ACAP3: variants seen among roughly 807,000 people sequenced by gnomAD.
ACAP3 encodes ArfGAP with coiled-coil, ankyrin repeat and PH domains 3, also known as arf-GAP with coiled-coil, ANK repeat and PH domain-containing protein 3.
A neutral mutation model predicts 104.1 loss-of-function variants in ACAP3; 56 were observed. The ratio of observed to expected loss-of-function variants is 0.54; its 90% confidence interval spans 0.43 to 0.67. The LOEUF (loss-of-function observed/expected upper bound fraction) is 0.67. Ranked by LOEUF, ACAP3 falls within the 30% of genes least tolerant of loss-of-function variation. The pLI, the probability that ACAP3 is intolerant of heterozygous loss-of-function variation, is 0.00. For missense variants in ACAP3, 1,208 were observed against 1,174.9 expected, an observed-to-expected ratio of 1.03 and a Z score of -0.41; for synonymous variants, 628 against 496.2, an observed-to-expected ratio of 1.27 and a Z score of -3.53.
chr1:1,301,934 C>G, intron 5 of ACAP3, 54 bp downstream of exon 5: 1 of 1,484,110 alleles, frequency 6.7e-7, no homozygotes, highest in South Asian at 1.3e-5. Context: ...CCTTCCCCTC[C>G]AAGGGAGGGA....
chr1:1,299,751 G>C, intron 9 of ACAP3, 80 bp downstream of exon 9: 15 of 1,430,968 alleles, frequency 1.0e-5, no homozygotes, highest in Non-Finnish European at 1.2e-5. Context: ...AAGGGGCGGG[G>C]AGGGTGTGCC....
intron 11 of ACAP3, 32 bp from the exon 12 acceptor site, chr1:1,298,453 C>A (rs372817351): frequency 6.3e-7 from 1 of 1,594,722 alleles, no homozygotes; most frequent in Admixed American, 1.7e-5. Context: ...GGGAGTCAGG[C>A]GGGGCCCATC....
Position 1,307,881 on chromosome 1 carries a change from C to A in ACAP3, c.-66G>T. On this transcript the variant is annotated 5_prime_UTR_variant, in exon 1 of 24. Coordinates refer to ENST00000354700, the MANE Select transcript of ACAP3 (RefSeq NM_030649.3). ...GCGCCGAGCGGCAGCCGCGCCGGCC[C>A]GGACCGCTCGTCCCGCCCGCGCCGC... 1.1e-6 allele frequency: 1 copy of A among 926,636 alleles called. No homozygotes were observed. The highest frequency in any genetic ancestry group is 4.8e-5 in the South Asian group (1 of 20,848). The allele number at this position is 926,636 out of a possible 1,614,324, so 57.4% of individuals were successfully genotyped here.
intron 1 of ACAP3, chr1:1,307,394 G>T: frequency 8.5e-6 from 11 of 1,291,014 alleles, no homozygotes; most frequent in Non-Finnish European, 1.0e-5. Flanking sequence ...CTGGACACAG[G>T]ATCAAGTCAG....
At position 1,303,220 on chromosome 1, in the gene ACAP3, A is replaced by G; in HGVS notation, c.167T>C (p.Leu56Pro). The stretch of plus-strand genomic sequence containing the variant: ...CAGGTCGCGGACGCCGCTCACGAAA[A>G]GCCTGCTGGTGCTGACGTAGGCCTT... The part of the protein sequence containing the change: ...AGKAYVSTSR[L>P]FVSGVRDLSQ... The change falls in exon 3 of 24, where the codon CTT (leucine) becomes CCT (proline). Residue 56 changes from leucine (L) to proline (P), a missense_variant. Leu to Pro is a moderately conservative substitution (Grantham distance 98). Coordinates refer to ENST00000354700, the MANE Select transcript of ACAP3 (RefSeq NM_030649.3). This position sits in a 1 kb window ranked among gnomAD's most constrained non-coding sequence, Gnocchi z 4.0. 2 of 1,607,484 alleles carry G rather than the reference A, an allele frequency of 1.2e-6. No homozygotes were observed. The highest frequency in any genetic ancestry group is 1.7e-6 in the Non-Finnish European group (2 of 1,177,892).
chr1:1,304,495 T>C (rs1641597275), intron 1 of ACAP3: 2 of 398,146 alleles, frequency 5.0e-6, no homozygotes, highest in South Asian at 2.5e-5. Flanking sequence ...GAGTCAACCC[T>C]GGACCCATCT....
At chr1:1,302,807 C>CT (rs1350915708) in intron 4 of ACAP3, 115 bp downstream of exon 4, 66 of 329,962 alleles carry the variant, frequency 2.0e-4, no homozygotes, top group Non-Finnish European at 3.4e-4. Flanking sequence ...CCCCCCCCCC[C>CT]GACTAGAGGA....
intron 1 of ACAP3, among the ~76,000 whole-genome samples, chr1:1,306,400 C>T (rs1360051123): frequency 6.6e-6 from 1 of 152,198 alleles, no homozygotes; most frequent in East Asian, 1.9e-4. Flanking sequence ...GCCCACACCT[C>T]CCCACAGCCC....
Position 1,296,126 on chromosome 1 carries a change from C to T in ACAP3, c.1408-17G>A, listed in dbSNP as rs752144252. ...ACACATCAGCTAGCGGGAGACAGGG[C>T]GAGCAGGCATCAGTGCGAACCTGCA... On this transcript the variant is annotated splice_polypyrimidine_tract_variant and intron_variant, in intron 16 of 23. Transcript: ENST00000354700. 12 of 1,612,494 alleles carry T rather than the reference C, an allele frequency of 7.4e-6. No individual in the cohort carries two copies. Among genetic ancestry groups the T allele is most frequent in the East Asian group, 4.5e-5 (2 of 44,878 alleles).
At chr1:1,307,435 G>A (rs1641784983) in intron 1 of ACAP3, 3 of 1,294,746 alleles carry the variant, frequency 2.3e-6, no homozygotes, top group African/African-American at 1.5e-5. Context: ...CACGGACCCA[G>A]ACGACCCTGG....
rs1641185771 is a variant in ACAP3, at chr1:1,296,801, CCT to C, written c.1129-170_1129-169del. On this transcript the variant is annotated intron_variant, in intron 14 of 23. Coordinates refer to ENST00000354700, the MANE Select transcript of ACAP3 (RefSeq NM_030649.3). ...CCCTCACGTGGGCAGATGGCCCCCC[CCT>C]CGAGCACACGCCCGCACACGCACAC... Among the ~76,000 whole-genome samples, 4 of 145,128 alleles carry C rather than the reference CCT, an allele frequency of 2.8e-5. No homozygotes were observed. The South Asian group carries it at 9.1e-4, about 33-fold the overall frequency.
Position 1,293,916 on chromosome 1 carries a change from A to G in ACAP3, c.2267T>C (p.Leu756Pro). 6.3e-7 allele frequency: 1 copy of G among 1,576,198 alleles called. No homozygotes were observed. The highest frequency in any genetic ancestry group is 8.6e-7 in the Non-Finnish European group (1 of 1,163,692). Reference sequence around the variant, plus strand: ...GGCGTGCTGGTCCGCGCCCCGCTTCAGGAACAGGCAAACCTGGCTGAGGGG... The same window carrying G: ...GGCGTGCTGGTCCGCGCCCCGCTTCGGGAACAGGCAAACCTGGCTGAGGGG... ...LGRTGQVCLFLKRGADQHALD... is the reference protein window; with the variant it reads ...LGRTGQVCLFPKRGADQHALD... Residue 756 changes from leucine to proline, a missense_variant, in exon 23 of 24, where the codon CTG (leucine) becomes CCG (proline). Coordinates refer to ENST00000354700, the MANE Select transcript of ACAP3 (RefSeq NM_030649.3).
Position 1,307,354 on chromosome 1 carries a change from G to T in ACAP3, c.47+415C>A, listed in dbSNP as rs1013889837. ...CACCCTACCCCAGGCCTTAAACGCGGCTCCAGCTGCCTGTTCCCCACGCGC... is the reference window on the plus strand; with the variant it reads ...CACCCTACCCCAGGCCTTAAACGCGTCTCCAGCTGCCTGTTCCCCACGCGC... On this transcript the variant is annotated intron_variant, in intron 1 of 23. Coordinates refer to ENST00000354700, the MANE Select transcript of ACAP3 (RefSeq NM_030649.3). The T allele has an allele frequency of 3.1e-6, 4 of 1,289,748 alleles. No homozygotes were observed. In the Admixed American group the frequency reaches 6.9e-5, roughly 22 times the overall value. The allele number at this position is 1,289,748 out of a possible 1,614,324, so 79.9% of individuals were successfully genotyped here. A position where few individuals can be genotyped will look rare whatever the true frequency, so the allele number is the denominator to read the frequency against.
chr1:1,297,348 T>C (rs1235378936), intron 14 of ACAP3, among the ~76,000 whole-genome samples: 1 of 9,200 alleles, frequency 1.1e-4, no homozygotes, highest in African/African-American at 1.3e-3. Flanking sequence ...TGCACGGGCT[T>C]GGGGCAGGGG....
chr1:1,299,562 A>ACCTTTGCG (rs1641353229), intron 9 of ACAP3: 3 of 724,338 alleles, frequency 4.1e-6, no homozygotes, highest in Non-Finnish European at 6.7e-6. Context: ...GCTGTCCCAC[A>ACCTTTGCG]GGCAAGCAAA....
chr1:1,296,131 A>G (rs1457629447), intron 16 of ACAP3, 22 bp from the exon 17 acceptor site: 1 of 1,612,256 alleles, frequency 6.2e-7, no homozygotes, highest in Non-Finnish European at 8.5e-7. Flanking sequence ...CAGGGCGAGC[A>G]GGCATCAGTG....
At position 1,299,845 on chromosome 1, in the gene ACAP3, C is replaced by A; in HGVS notation, c.724G>T (p.Ala242Ser). 1 of 1,551,132 alleles carries A rather than the reference C, an allele frequency of 6.4e-7. No homozygotes were observed. Among genetic ancestry groups the A allele is most frequent in the Non-Finnish European group, 8.7e-7 (1 of 1,147,142 alleles). ...EKREMERKHA[A>S]IQQRTLLQDF... ...CGCGGCCTCACCCGCTGCTGGATGGCGGCGTGCTTTCGCTCCATCTCACGC... is the reference window on the plus strand; with the variant it reads ...CGCGGCCTCACCCGCTGCTGGATGGAGGCGTGCTTTCGCTCCATCTCACGC... Residue 242 changes from alanine to serine, a missense_variant, in exon 9 of 24, where the codon GCC becomes TCC. Ala to Ser is a moderately conservative substitution (Grantham distance 99). Transcript: ENST00000354700.
intron 1 of ACAP3, among the ~76,000 whole-genome samples, chr1:1,306,439 T>C (rs1641698140): frequency 6.6e-6 from 1 of 152,120 alleles, no homozygotes; most frequent in African/African-American, 2.4e-5. Flanking sequence ...CCTAGGGTGC[T>C]CAAGTTATTC....
Position 1,293,534 on chromosome 1 carries a change from C to T in ACAP3, c.*30G>A. 3 of 1,394,408 alleles carry T rather than the reference C, an allele frequency of 2.2e-6. No individual in the cohort carries two copies. Among genetic ancestry groups the T allele is most frequent in the Non-Finnish European group, 9.3e-7 (1 of 1,078,694 alleles). 86.4% of individuals were successfully genotyped at this position (1,394,408 alleles called of 1,614,324 possible). On this transcript the variant is annotated 3_prime_UTR_variant, in exon 24 of 24. Coordinates refer to ENST00000354700, the MANE Select transcript of ACAP3 (RefSeq NM_030649.3). ...GGGGCATGCGGGGCGTCGGGCCGGG[C>T]GGGGTGGCAGCTGCCCGGCCTGCCC... is the stretch of plus-strand genomic sequence containing the variant.
Sources: gnomAD v4.1 joint callset for allele counts (sites outside exome capture counted in the v4.1 genomes callset) on GRCh38, gnomAD v4.1.1 for gene constraint, Gnocchi (gnomAD v3.1) non-coding constraint, MANE v1.5 for transcripts, NCBI Gene and HGNC (gene_info 2026-07-23, HGNC 2026-07-21) for gene names.